The following MAEL variants were observed in gnomAD, a reference collection of about 807,000 sequenced individuals.
MAEL encodes protein maelstrom homolog.
MAEL carries 46 observed loss-of-function variants against 62.0 expected under a neutral mutation model. That is an observed-to-expected ratio of 0.74 (90% CI 0.59 to 0.95). The LOEUF is 0.95. Ranked by LOEUF, MAEL falls within the 40% of genes least tolerant of loss-of-function variation. The pLI, the probability that MAEL is intolerant of heterozygous loss-of-function variation, is 0.00. For missense variants in MAEL, 497 were observed against 526.8 expected, an observed-to-expected ratio of 0.94 and a Z score of 0.55; for synonymous variants, 172 against 175.5, an observed-to-expected ratio of 0.98 and a Z score of 0.16.
intron 5 of MAEL, among the ~76,000 whole-genome samples, chr1:167,000,986 A>C (rs1379811351): frequency 6.6e-6 from 1 of 152,258 alleles, no homozygotes; most frequent in Non-Finnish European, 1.5e-5. Flanking sequence ...AATTGCAAAA[A>C]TGTGGAACCA....
intron 3 of MAEL, among the ~76,000 whole-genome samples, chr1:166,992,038 C>T (rs1294808098): frequency 1.1e-4 from 16 of 151,974 alleles, no homozygotes; most frequent in Non-Finnish European, 2.4e-4. Context: ...GTGGAGGGGG[C>T]TTATAAAGAT....
intron 6 of MAEL, 23 bp downstream of exon 6, chr1:167,004,327 T>G (rs1453805035): frequency 6.4e-7 from 1 of 1,565,836 alleles, no homozygotes; most frequent in Non-Finnish European, 8.6e-7. Flanking sequence ...TAAGAAGTTC[T>G]TTTAAGGTAT....
rs146665393 is a variant in MAEL at position 166,983,831 on chromosome 1, G to A, written c.-120-5570G>A. Among the ~76,000 whole-genome samples the A allele has an allele frequency of 6.9e-3, 1,054 of 151,698 alleles. 5 individuals carry two copies. The highest frequency in any genetic ancestry group is 0.024 in the African/African-American group (972 of 41,308). On this transcript the variant is annotated intron_variant, in intron 1 of 12. Coordinates refer to the MAEL transcript ENST00000622874. The stretch of plus-strand genomic sequence containing the variant: ...AGTCTGGGCAACATGGCAAAACCCC[G>A]TCTCTACAAAAAATACAAAAATTAG...
chr1:167,000,685 T>G (rs12126991), intron 5 of MAEL, among the ~76,000 whole-genome samples: 61,522 of 152,068 alleles, frequency 0.4, 13,617 homozygotes, highest in African/African-American at 0.6. Context: ...AGTCAGTGTG[T>G]CAAACTTCAT....
chr1:167,004,318 A>T lies in MAEL; in HGVS notation c.648+14A>T, dbSNP rs751662516. ...ATCTACTGCAAGGTAATTTCAGGTT[A>T]AGAAGTTCTTTTAAGGTATCAATTT... On this transcript the variant is annotated intron_variant, in intron 6 of 11. Transcript: ENST00000367872. 9 of 1,580,686 alleles carry T rather than the reference A, an allele frequency of 5.7e-6. No homozygotes were observed. The East Asian group carries it at 1.6e-4, about 28-fold the overall frequency.
At chr1:166,982,803 A>T (rs1226319150) in intron 1 of MAEL, among the ~76,000 whole-genome samples, 1 of 151,630 alleles carries the variant, frequency 6.6e-6, no homozygotes, top group Non-Finnish European at 1.5e-5. Context: ...TTTCCCCCTC[A>T]CTCACTTTAC....
chr1:167,008,536 T>G (rs1292264492), intron 8 of MAEL, among the ~76,000 whole-genome samples: 1 of 152,030 alleles, frequency 6.6e-6, no homozygotes, highest in African/African-American at 2.4e-5. Flanking sequence ...TTTTTTAATT[T>G]TTCAAAACAA....
chr1:166,994,902 T>G (rs932103560), intron 5 of MAEL, among the ~76,000 whole-genome samples: 11 of 151,900 alleles, frequency 7.2e-5, no homozygotes, highest in African/African-American at 2.4e-4. Flanking sequence ...TCTATTGACC[T>G]TGTGATCCGC....
intron 8 of MAEL, among the ~76,000 whole-genome samples, chr1:167,015,595 A>G (rs187452917): frequency 1.7e-4 from 26 of 152,240 alleles, no homozygotes; most frequent in South Asian, 1.7e-3. Context: ...AGTGTTTGTA[A>G]CCTTGTATTG....
chr1:166,989,505 G>A, intron 1 of MAEL, 21 bp downstream of exon 1: 1 of 1,579,242 alleles, frequency 6.3e-7, no homozygotes, highest in South Asian at 1.2e-5. Flanking sequence ...AGCGGAGTGA[G>A]AGGGCTGGGC....
At chr1:167,004,356 G>T (rs1664800263) in intron 6 of MAEL, 52 bp downstream of exon 6, 1 of 1,501,850 alleles carries the variant, frequency 6.7e-7, no homozygotes, top group South Asian at 1.4e-5. Flanking sequence ...AGTACCAAAA[G>T]ATCCATAAAA....
intron 8 of MAEL, 176 bp downstream of exon 8, chr1:167,005,573 C>A: frequency 1.9e-6 from 1 of 518,798 alleles, no homozygotes; most frequent in Non-Finnish European, 3.3e-6. Flanking sequence ...TTGTGTATCA[C>A]TAAAAACAAA....
chr1:166,979,224 T>C (rs910080316), intron 1 of MAEL, among the ~76,000 whole-genome samples: 1 of 152,220 alleles, frequency 6.6e-6, no homozygotes, highest in African/African-American at 2.4e-5. Context: ...AAGAGGAATA[T>C]ACGAAGTATG....
upstream of MAEL, among the ~76,000 whole-genome samples, chr1:166,987,661 T>C (rs1168607478): frequency 6.6e-6 from 1 of 152,144 alleles, no homozygotes; most frequent in Admixed American, 6.5e-5. Context: ...CTAAATGAGA[T>C]AGACACTTTT....
upstream of MAEL, among the ~76,000 whole-genome samples, chr1:166,988,172 G>T (rs1663984481): frequency 6.6e-6 from 1 of 151,752 alleles, no homozygotes; most frequent in African/African-American, 2.4e-5. Context: ...AACATAGGGA[G>T]ACCTCGTCTC....
Position 167,016,037 on chromosome 1 carries a change from A to G in MAEL, c.846-185A>G, listed in dbSNP as rs940421193. Reference sequence around the variant, plus strand: ...TATGGTTATGTGTAGGTTGCGTAGTATCATGAATTTGTATCAGAGAATGTA... The same window carrying G: ...TATGGTTATGTGTAGGTTGCGTAGTGTCATGAATTTGTATCAGAGAATGTA... On this transcript the variant is annotated intron_variant, in intron 8 of 11. Transcript: ENST00000367872. The G allele has an allele frequency of 5.3e-5, 33 of 624,848 alleles. 1 individual carries two copies. Among genetic ancestry groups the G allele is most frequent in the Non-Finnish European group, 8.9e-5 (31 of 349,630 alleles). 38.7% of individuals were successfully genotyped at this position (624,848 alleles called of 1,614,324 possible). A position where few individuals can be genotyped will look rare whatever the true frequency, so the allele number is the denominator to read the frequency against.
At chr1:166,994,878 C>G (rs1296849567) in intron 5 of MAEL, among the ~76,000 whole-genome samples, 1 of 151,478 alleles carries the variant, frequency 6.6e-6, no homozygotes, top group Non-Finnish European at 1.5e-5. Flanking sequence ...CGATGTTGGC[C>G]AGGATGGTCT....
chr1:167,006,975 T>A (rs1316189795), intron 8 of MAEL, among the ~76,000 whole-genome samples: 2 of 152,086 alleles, frequency 1.3e-5, no homozygotes, highest in African/African-American at 4.8e-5. Context: ...GGGGAAATAC[T>A]TTCAAATTGG....
chr1:167,020,187 C>T (rs769672993), intron 10 of MAEL, among the ~76,000 whole-genome samples: 28 of 152,178 alleles, frequency 1.8e-4, no homozygotes, highest in Non-Finnish European at 3.8e-4. Flanking sequence ...ATGCTGTAGA[C>T]TCATGTCTCC....
Sources: gnomAD v4.1 joint callset for allele counts (sites outside exome capture counted in the v4.1 genomes callset) on GRCh38, gnomAD v4.1.1 for gene constraint, MANE v1.5 for transcripts, NCBI Gene and HGNC (gene_info 2026-07-23, HGNC 2026-07-21) for gene names.